FSTL5: variants seen among roughly 807,000 people sequenced by gnomAD.
FSTL5 encodes follistatin like 5.
FSTL5 carries 62 observed loss-of-function variants against 89.1 expected under a neutral mutation model. That is an observed-to-expected ratio of 0.70 (90% confidence interval 0.57 to 0.86). FSTL5 has a LOEUF of 0.86. Ranked by LOEUF, FSTL5 falls within the 40% of genes least tolerant of loss-of-function variation. FSTL5 has a pLI of 0.00. For synonymous variants in FSTL5, 383 were observed against 346.2 expected, an observed-to-expected ratio of 1.11 and a Z score of -1.18; for missense variants, 1,057 against 1,001.6, an observed-to-expected ratio of 1.06 and a Z score of -0.75.
Position 161,592,802 on chromosome 4 carries a change from TG to T in FSTL5, c.895-5228del, listed in dbSNP as rs533730615. Among the ~76,000 whole-genome samples the T allele has an allele frequency of 1.1e-4, 16 of 152,322 alleles. No individual in the cohort carries two copies. In the South Asian group the frequency reaches 3.3e-3, roughly 32 times the overall value. On this transcript the variant is annotated intron_variant, in intron 7 of 15. Coordinates refer to ENST00000306100, the MANE Select transcript of FSTL5 (RefSeq NM_020116.5). The stretch of plus-strand genomic sequence containing the variant: ...GGGTATAACCCAGCAATGGGATTGC[TG>T]GGTCAGATGGTATTTCTCATTCAAG...
chr4:161,726,784 A>C (rs1368058032), intron 6 of FSTL5, among the ~76,000 whole-genome samples: 3 of 151,908 alleles, frequency 2.0e-5, no homozygotes, highest in Non-Finnish European at 4.4e-5. Flanking sequence ...ACATATATAT[A>C]TTTCCTCTGA....
chr4:161,824,807 A>T (rs1252843599), intron 4 of FSTL5, among the ~76,000 whole-genome samples: 1 of 152,160 alleles, frequency 6.6e-6, no homozygotes, highest in Non-Finnish European at 1.5e-5. Context: ...AACTTCAGTG[A>T]ATTCATTTAT....
At chr4:162,002,743 T>C (rs768075033) in intron 3 of FSTL5, among the ~76,000 whole-genome samples, 25 of 143,120 alleles carry the variant, frequency 1.7e-4, no homozygotes, top group Non-Finnish European at 3.7e-4. Flanking sequence ...TCTTCTATGT[T>C]ACTGCATTTT....
chr4:161,412,423 C>CCTGACTTCA (rs767755677), intron 15 of FSTL5, among the ~76,000 whole-genome samples: 18 of 151,940 alleles, frequency 1.2e-4, no homozygotes, highest in Non-Finnish European at 2.2e-4. Context: ...CATCACACTA[C>CCTGACTTCA]CTGACTTCAC....
chr4:161,742,230 A>G (rs953090257), intron 6 of FSTL5, among the ~76,000 whole-genome samples: 3 of 152,230 alleles, frequency 2.0e-5, no homozygotes, highest in African/African-American at 4.8e-5. Context: ...GGACCATTAA[A>G]ATGATTTCAG....
chr4:162,028,692 A>G (rs956207817), intron 3 of FSTL5, among the ~76,000 whole-genome samples: 2 of 152,218 alleles, frequency 1.3e-5, no homozygotes, highest in East Asian at 1.9e-4. Context: ...TACTGGCTAT[A>G]TTGTATTTTG....
intron 4 of FSTL5, among the ~76,000 whole-genome samples, chr4:161,838,410 G>A (rs1263373506): frequency 6.6e-6 from 1 of 152,106 alleles, no homozygotes; most frequent in Admixed American, 6.6e-5. Context: ...ACTCTGCCGA[G>A]TAACTGGGAC....
chr4:162,091,088 C>T (rs1730531224), intron 2 of FSTL5, among the ~76,000 whole-genome samples: 1 of 152,080 alleles, frequency 6.6e-6, no homozygotes, highest in Non-Finnish European at 1.5e-5. Flanking sequence ...TAAGTTTTGC[C>T]TTCCACTTAG....
chr4:162,044,308 G>T (rs190864216), intron 2 of FSTL5, among the ~76,000 whole-genome samples: 244 of 152,274 alleles, frequency 1.6e-3, no homozygotes, highest in African/African-American at 5.6e-3. Context: ...GTGCTTAAGG[G>T]ATGACCAGGT....
At chr4:161,854,982 T>A (rs546172546) in intron 4 of FSTL5, among the ~76,000 whole-genome samples, 1,369 of 116,500 alleles carry the variant, frequency 0.012, 19 homozygotes, top group African/African-American at 0.04. Flanking sequence ...TTTGAGGATA[T>A]TTTGAGGATA....
At chr4:161,532,955 A>T (rs547187239) in intron 10 of FSTL5, among the ~76,000 whole-genome samples, 1 of 152,166 alleles carries the variant, frequency 6.6e-6, no homozygotes, top group African/African-American at 2.4e-5. Context: ...CAGAGAAATT[A>T]AAAAACTTGC....
intron 4 of FSTL5, among the ~76,000 whole-genome samples, chr4:161,794,846 C>A (rs1579098162): frequency 1.3e-5 from 2 of 152,046 alleles, no homozygotes; most frequent in East Asian, 1.9e-4. Context: ...AGATAAAAAA[C>A]CATTACACCT....
At chr4:161,482,106 G>C (rs2126455182) in intron 12 of FSTL5, among the ~76,000 whole-genome samples, 1 of 152,164 alleles carries the variant, frequency 6.6e-6, no homozygotes, top group South Asian at 2.1e-4. Flanking sequence ...GGATCACGAG[G>C]TCAGGAGATC....
At chr4:161,726,416 T>A (rs189063975) in intron 6 of FSTL5, among the ~76,000 whole-genome samples, 59 of 151,728 alleles carry the variant, frequency 3.9e-4, no homozygotes, top group African/African-American at 1.3e-3. Context: ...TTAGTAGAGA[T>A]GGGGTTTCAC....
chr4:161,843,832 T>TA (rs935934484), intron 4 of FSTL5, among the ~76,000 whole-genome samples: 172 of 151,888 alleles, frequency 1.1e-3, no homozygotes, highest in African/African-American at 3.7e-3. Flanking sequence ...CCTAAAACCA[T>TA]AAAAAAACCC....
At chr4:161,687,155 G>A (rs1002090315) in intron 6 of FSTL5, among the ~76,000 whole-genome samples, 6 of 152,026 alleles carry the variant, frequency 3.9e-5, no homozygotes, top group African/African-American at 1.4e-4. Context: ...ACGGTTAAAT[G>A]GTTAAATATT....
chr4:161,563,234 T>C (rs1381344833), intron 8 of FSTL5, among the ~76,000 whole-genome samples: 1 of 152,168 alleles, frequency 6.6e-6, no homozygotes, highest in Non-Finnish European at 1.5e-5. Flanking sequence ...ATTTTAGCTA[T>C]TGTAAATAAT....
At chr4:162,156,158 A>G (rs760122021) in intron 1 of FSTL5, among the ~76,000 whole-genome samples, 3 of 152,138 alleles carry the variant, frequency 2.0e-5, no homozygotes, top group African/African-American at 2.4e-5. Context: ...TCACAAATCA[A>G]TCATCAGAAA....
At chr4:162,114,963 AT>A (rs1295065822) in intron 1 of FSTL5, among the ~76,000 whole-genome samples, 1 of 152,220 alleles carries the variant, frequency 6.6e-6, no homozygotes, top group Non-Finnish European at 1.5e-5. Flanking sequence ...CCTCAGCAAA[AT>A]TTATGATATG....
Sources: gnomAD v4.1 joint callset for allele counts (sites outside exome capture counted in the v4.1 genomes callset) on GRCh38, gnomAD v4.1.1 for gene constraint, MANE v1.5 for transcripts, NCBI Gene and HGNC (gene_info 2026-07-23, HGNC 2026-07-21) for gene names.